The following TMEM192 variants were observed in gnomAD, a reference collection of about 807,000 sequenced individuals.
The protein encoded by TMEM192 is transmembrane protein 192.
Under a neutral mutation model 26.7 loss-of-function variants are expected in TMEM192, and 20 were observed. The observed-to-expected ratio is 0.75, with a 90% confidence interval of 0.53 to 1.09. The LOEUF (loss-of-function observed/expected upper bound fraction) is 1.09. TMEM192 is among the 50% of genes least tolerant of loss of function. The probability of loss-of-function intolerance (pLI) is 0.00; values close to 1 mark genes in which losing one functional copy is unlikely to be tolerated. For synonymous variants in TMEM192, 124 were observed against 121.0 expected (o/e 1.02, Z -0.16); for missense variants, 304 against 322.6 (o/e 0.94, Z 0.44).
At chr4:165,107,023 TC>T (rs1273230316) in intron 1 of TMEM192, among the ~76,000 whole-genome samples, 1 of 151,678 alleles carries the variant, frequency 6.6e-6, no homozygotes, top group East Asian at 1.9e-4. Context: ...TTTTTTTCTC[TC>T]TTTTTTTTTT....
intron 1 of TMEM192, among the ~76,000 whole-genome samples, chr4:165,108,055 T>G (rs2110800364): frequency 6.6e-6 from 1 of 152,264 alleles, no homozygotes; most frequent in Admixed American, 6.5e-5. Flanking sequence ...CATTTTTTAT[T>G]GGATGCCAGA....
intron 5 of TMEM192, among the ~76,000 whole-genome samples, chr4:165,080,623 G>C (rs1560925009): frequency 6.6e-6 from 1 of 152,110 alleles, no homozygotes; most frequent in Admixed American, 6.6e-5. Context: ...CATGGGAATG[G>C]TCCCATGTGA....
chr4:165,085,732 G>T, intron 4 of TMEM192, 44 bp from the exon 5 acceptor site: 2 of 1,392,788 alleles, frequency 1.4e-6, no homozygotes, highest in South Asian at 2.5e-5. Flanking sequence ...TGAAAGACAA[G>T]TCTAGTTTCA....
chr4:165,096,391 CA>C (rs1325550357), intron 3 of TMEM192, among the ~76,000 whole-genome samples: 1 of 150,166 alleles, frequency 6.7e-6, no homozygotes, highest in African/African-American at 2.4e-5. Flanking sequence ...GACAACAGAG[CA>C]AGACTCTCAA....
chr4:165,107,307 C>T (rs1735184718), intron 1 of TMEM192, among the ~76,000 whole-genome samples: 2 of 151,122 alleles, frequency 1.3e-5, no homozygotes. Flanking sequence ...CAGGTGTGAA[C>T]CACTGTACCC....
chr4:165,100,970 TC>T (rs367832455), intron 2 of TMEM192, 78 bp from the exon 3 acceptor site: 138 of 1,127,976 alleles, frequency 1.2e-4, no homozygotes, highest in Middle Eastern at 4.5e-4. Flanking sequence ...CAGCATACAT[TC>T]TTTTTTTTTT....
At chr4:165,093,084 G>GT (rs1300209194) in intron 3 of TMEM192, among the ~76,000 whole-genome samples, 11 of 131,926 alleles carry the variant, frequency 8.3e-5, no homozygotes, top group Admixed American at 1.8e-4. Context: ...CAGTTTTATG[G>GT]TTTTTTTTTC....
chr4:165,088,519 T>A lies in TMEM192; in HGVS notation c.523A>T (p.Ile175Phe). ...GAACAGATGAGTTCCAGTGCCAAGA[T>A]GGCCAGAATGAGGTCAAGATACAAT... ...GRLYLDLILA[I>F]LALELICSLI... The change falls in exon 4 of 6, where the codon ATC becomes TTC. Residue 175 changes from isoleucine (I) to phenylalanine (F), a missense_variant. Ile to Phe is a conservative substitution (Grantham distance 21). Coordinates refer to ENST00000306480, the MANE Select transcript of TMEM192 (RefSeq NM_001100389.2). The A allele has an allele frequency of 1.9e-6, 3 of 1,613,712 alleles. No individual in the cohort carries two copies. In the South Asian group the frequency reaches 3.3e-5, roughly 18 times the overall value.
At chr4:165,095,620 A>C (rs1734874857) in intron 3 of TMEM192, among the ~76,000 whole-genome samples, 2 of 152,184 alleles carry the variant, frequency 1.3e-5, no homozygotes, top group Admixed American at 1.3e-4. Flanking sequence ...GCATGTCCTC[A>C]GCCTCTGGCT....
intron 2 of TMEM192, among the ~76,000 whole-genome samples, 162 bp downstream of exon 2, chr4:165,102,784 CTTTT>C (rs11315804): frequency 6.9e-5 from 9 of 130,830 alleles, no homozygotes; most frequent in African/African-American, 8.8e-5. Context: ...AGTGTACGTA[CTTTT>C]TTTTTTTTTT....
chr4:165,112,632 G>T, intron 1 of TMEM192, 115 bp downstream of exon 1: 1 of 1,471,054 alleles, frequency 6.8e-7, no homozygotes, highest in Admixed American at 2.0e-5. Context: ...CGCCCCCTTC[G>T]GCCGCGGCCG....
intron 4 of TMEM192, among the ~76,000 whole-genome samples, chr4:165,088,181 G>C (rs1395304813): frequency 6.6e-6 from 1 of 152,182 alleles, no homozygotes; most frequent in Non-Finnish European, 1.5e-5. Flanking sequence ...AAAGAGCTGG[G>C]ATTACAGGCT....
At chr4:165,093,084 GT>G (rs1300209194) in intron 3 of TMEM192, among the ~76,000 whole-genome samples, 10 of 131,946 alleles carry the variant, frequency 7.6e-5, no homozygotes, top group South Asian at 7.4e-4. Flanking sequence ...CAGTTTTATG[GT>G]TTTTTTTTCT....
At chr4:165,083,971 A>C (rs1734548841) in intron 5 of TMEM192, among the ~76,000 whole-genome samples, 1 of 150,246 alleles carries the variant, frequency 6.7e-6, no homozygotes, top group South Asian at 2.1e-4. Context: ...ACAGGTGTGC[A>C]TCACTTTGCC....
chr4:165,107,330 T>TA (rs1396719928), intron 1 of TMEM192, among the ~76,000 whole-genome samples: 7 of 140,934 alleles, frequency 5.0e-5, no homozygotes, highest in African/African-American at 1.1e-4. Flanking sequence ...CCTTTTTTTT[T>TA]AAAACAAAAA....
Position 165,100,878 on chromosome 4 carries a change from A to G in TMEM192, c.189T>C (p.Val63=), listed in dbSNP as rs768039931. 6.2e-7 allele frequency: 1 copy of G among 1,611,686 alleles called. No individual in the cohort carries two copies. Residue 63 remains valine (V), a synonymous_variant, in exon 3 of 6, where the codon GTT becomes GTC. Coordinates refer to ENST00000306480, the MANE Select transcript of TMEM192 (RefSeq NM_001100389.2). ...LLWFIHLVFV[V]LAFLTGVLCS... is the part of the protein sequence containing the mutation. ...AAAGCACACCTGTTAAAAATGCTAA[A>G]ACAACAAACACGAGCTGGGGGAAAG...
intron 1 of TMEM192, among the ~76,000 whole-genome samples, chr4:165,110,792 C>A (rs1735277827): frequency 6.6e-6 from 1 of 152,196 alleles, no homozygotes; most frequent in Non-Finnish European, 1.5e-5. Flanking sequence ...CCTTGAGATG[C>A]CCTTGTTTGG....
At chr4:165,111,244 C>G (rs1223233382) in intron 1 of TMEM192, among the ~76,000 whole-genome samples, 1 of 152,166 alleles carries the variant, frequency 6.6e-6, no homozygotes, top group Non-Finnish European at 1.5e-5. Flanking sequence ...CAGGCCCCCA[C>G]CACCCCACCT....
At chr4:165,087,029 G>A (rs541016344) in intron 4 of TMEM192, among the ~76,000 whole-genome samples, 41 of 152,076 alleles carry the variant, frequency 2.7e-4, no homozygotes, top group African/African-American at 9.6e-4. Flanking sequence ...CAGGAGAATC[G>A]CTTAAACCCA....
Sources: gnomAD v4.1 joint callset for allele counts (sites outside exome capture counted in the v4.1 genomes callset) on GRCh38, gnomAD v4.1.1 for gene constraint, MANE v1.5 for transcripts, NCBI Gene and HGNC (gene_info 2026-07-23, HGNC 2026-07-21) for gene names.